EMILIN2: variants seen among roughly 807,000 people sequenced by gnomAD.
EMILIN2 encodes the protein elastin microfibril interfacer 2, also known as EMILIN-2.
A neutral mutation model predicts 87.1 loss-of-function variants in EMILIN2; 71 were observed. The ratio of observed to expected loss-of-function variants is 0.82; its 90% CI spans 0.67 to 0.99. The LOEUF (loss-of-function observed/expected upper bound fraction) is 0.99. Ranked by LOEUF, EMILIN2 falls within the 50% of genes least tolerant of loss-of-function variation. The pLI is 0.00. For missense variants in EMILIN2, 1,407 were observed against 1,371.8 expected, an observed-to-expected ratio of 1.03 and a Z score of -0.40; for synonymous variants, 581 against 563.4, an observed-to-expected ratio of 1.03 and a Z score of -0.44.
In EMILIN2 at chr18:2,914,901, T is replaced by C. The variant is rs568806601; in HGVS notation, c.*1497T>C. On this transcript the variant is annotated 3_prime_UTR_variant, in exon 8 of 8. Transcript: ENST00000254528. ...GAGGGAGAATGGCATCTCACCCCAT[T>C]ACAACAGCTGGGGAACTGGCTAAAG... The C allele has an allele frequency of 6.6e-6, 1 of 152,304 alleles. No individual in the cohort carries two copies. The highest frequency in any genetic ancestry group is 2.1e-4 in the South Asian group (1 of 4,824). 9.4% of individuals were successfully genotyped at this position (152,304 alleles called of 1,614,324 possible).
chr18:2,901,386 C>T (rs1415129838), intron 4 of EMILIN2, among the ~76,000 whole-genome samples: 6 of 152,330 alleles, frequency 3.9e-5, no homozygotes, highest in East Asian at 1.9e-4. Flanking sequence ...GGAAGACACT[C>T]GTTTTTAGCA....
intron 2 of EMILIN2, among the ~76,000 whole-genome samples, chr18:2,879,169 G>C (rs1243162587): frequency 6.6e-6 from 1 of 152,164 alleles, no homozygotes; most frequent in Non-Finnish European, 1.5e-5. Flanking sequence ...GACGTGAACA[G>C]ATGCGCGCCT....
chr18:2,901,471 T>C (rs2076887981), intron 4 of EMILIN2, among the ~76,000 whole-genome samples: 1 of 152,246 alleles, frequency 6.6e-6, no homozygotes, highest in Admixed American at 6.5e-5. Context: ...TGATGTTTGG[T>C]TTTGAAATTG....
At position 2,911,285 on chromosome 18, in the gene EMILIN2, AAG is replaced by A. The variant is rs57703447; in HGVS notation, c.2824+1469_2824+1470del. On this transcript the variant is annotated intron_variant, in intron 7 of 7. Transcript: ENST00000254528. ...CATGCACAGGGGCCTACCAGTGCCT[AAG>A]AGGGGGGCGTGCGCAGTGTTTCCTG... 6.5e-3 allele frequency among the ~76,000 whole-genome samples: 984 copies of A among 152,220 alleles called. 14 individuals are homozygous for A. The highest frequency in any genetic ancestry group is 0.022 in the African/African-American group (919 of 41,532).
Position 2,894,228 on chromosome 18 carries a change from C to T in EMILIN2, c.2359+1742C>T, listed in dbSNP as rs1050372606. ...GGTCAGGGAGAGCCAGGGCCAGGTC[C>T]TGGCAGCTCAGGAGGGTGGAGAGGG... is the stretch of plus-strand genomic sequence containing the variant. On this transcript the variant is annotated intron_variant, in intron 4 of 7. Coordinates refer to ENST00000254528, the MANE Select transcript of EMILIN2 (RefSeq NM_032048.3). This position sits in a 1 kb window ranked among gnomAD's most constrained non-coding sequence, Gnocchi z 5.0. Among the ~76,000 whole-genome samples the T allele has an allele frequency of 1.3e-5, 2 of 152,146 alleles. No individual in the cohort carries two copies. Among genetic ancestry groups the T allele is most frequent in the African/African-American group, 4.8e-5 (2 of 41,430 alleles).
In EMILIN2 at chr18:2,848,120, G is replaced by A. The variant is rs2076585500; in HGVS notation, c.257+189G>A. On this transcript the variant is annotated intron_variant, in intron 2 of 7. Transcript: ENST00000254528. The surrounding 1 kb of genome is among the most constrained non-coding windows in gnomAD (Gnocchi z 4.1). ...ACGCTGGGCTATTTAGGGAGTGGGT[G>A]CTGCCCGAGTGAGTGGGGAGGATGC... 6.6e-6 allele frequency among the ~76,000 whole-genome samples: 1 copy of A among 152,242 alleles called. No individual in the cohort carries two copies. The highest frequency in any genetic ancestry group is 2.4e-5 in the African/African-American group (1 of 41,468).
At position 2,880,125 on chromosome 18, in the gene EMILIN2, GA is replaced by G. The variant is rs2076769555; in HGVS notation, c.258-4837del. Among the ~76,000 whole-genome samples, 1 of 152,196 alleles carries G rather than the reference GA, an allele frequency of 6.6e-6. No homozygotes were observed. Among genetic ancestry groups the G allele is most frequent in the Non-Finnish European group, 1.5e-5 (1 of 68,044 alleles). On this transcript the variant is annotated intron_variant, in intron 2 of 7. Transcript: ENST00000254528. The surrounding 1 kb of genome is among the most constrained non-coding windows in gnomAD (Gnocchi z 4.1). ...ACACGGAGTAAGCAAACACAAGTGT[GA>G]ACTGAGGCGTGTTATGAAGGAGGTC...
chr18:2,913,203 A>T lies in EMILIN2; in HGVS notation c.2961A>T (p.Arg987Ser), dbSNP rs377509819. 6.2e-7 allele frequency: 1 copy of T among 1,613,482 alleles called. No individual in the cohort carries two copies. The highest frequency in any genetic ancestry group is 1.1e-5 in the South Asian group (1 of 91,070). ...VAQLHTAGYRREFLEYHRPPG... is the reference protein window; with the variant it reads ...VAQLHTAGYRSEFLEYHRPPG... ...AGCTGCATACCGCTGGGTACAGGAGAGAGTTCCTGGAATACCACCGCCCTC... is the reference window on the plus strand; with the variant it reads ...AGCTGCATACCGCTGGGTACAGGAGTGAGTTCCTGGAATACCACCGCCCTC... The change falls in exon 8 of 8, where the codon AGA (arginine) becomes AGT (serine). Residue 987 changes from arginine (R) to serine (S), a missense_variant. Coordinates refer to ENST00000254528, the MANE Select transcript of EMILIN2 (RefSeq NM_032048.3).
intron 2 of EMILIN2, among the ~76,000 whole-genome samples, chr18:2,860,347 A>G (rs1280780231): frequency 1.3e-5 from 2 of 152,088 alleles, no homozygotes; most frequent in Admixed American, 6.6e-5. Flanking sequence ...TTAACTTGTC[A>G]TTTAACATTA....
Position 2,906,824 on chromosome 18 carries a change from C to T in EMILIN2, c.2401C>T (p.Pro801Ser). ...PPPPAEAPKE[P>S]LQPEPAPPRP... is the part of the protein sequence containing the mutation. ...GCCGCCCGCAGAGGCCCCGAAGGAGCCGCTGCAGCCCGAGCCCGCCCCGCC... is the reference window on the plus strand; with the variant it reads ...GCCGCCCGCAGAGGCCCCGAAGGAGTCGCTGCAGCCCGAGCCCGCCCCGCC... The change falls in exon 5 of 8, where the codon CCG becomes TCG. Residue 801 changes from proline to serine, a missense_variant. Pro to Ser is a moderately conservative substitution (Grantham distance 74, BLOSUM62 -1). Transcript: ENST00000254528. 2 of 1,322,808 alleles carry T rather than the reference C, an allele frequency of 1.5e-6. No individual in the cohort carries two copies. Among genetic ancestry groups the T allele is most frequent in the South Asian group, 2.1e-5 (1 of 47,582 alleles). 81.9% of individuals were successfully genotyped at this position (1,322,808 alleles called of 1,614,324 possible).
In EMILIN2 at chr18:2,858,561, A is replaced by G. The variant is rs1324031898; in HGVS notation, c.257+10630A>G. On this transcript the variant is annotated intron_variant, in intron 2 of 7. Coordinates refer to ENST00000254528, the MANE Select transcript of EMILIN2 (RefSeq NM_032048.3). ...TATATATATATATATATATATATAT[A>G]TATATATATGTGTGTGTGTGTGTAT... Among the ~76,000 whole-genome samples the G allele has an allele frequency of 8.0e-3, 537 of 67,290 alleles. 38 individuals are homozygous for G. Among genetic ancestry groups the G allele is most frequent in the African/African-American group, 0.061 (493 of 8,030 alleles). The allele number at this position is 67,290 out of a possible 152,430, so 44.1% of individuals were successfully genotyped here. A position where few individuals can be genotyped will look rare whatever the true frequency, so the allele number is the denominator to read the frequency against.
At chr18:2,866,885 T>A (rs190128497) in intron 2 of EMILIN2, among the ~76,000 whole-genome samples, 1 of 152,364 alleles carries the variant, frequency 6.6e-6, no homozygotes, top group East Asian at 1.9e-4. Context: ...ATGCCGATTT[T>A]GCTGAGGATT....
chr18:2,902,626 A>C (rs2076892751), intron 4 of EMILIN2, among the ~76,000 whole-genome samples: 1 of 152,316 alleles, frequency 6.6e-6, no homozygotes, highest in Non-Finnish European at 1.5e-5. Flanking sequence ...GATGGCAGCC[A>C]AAGGAGGCGG....
intron 2 of EMILIN2, among the ~76,000 whole-genome samples, chr18:2,879,503 AC>A (rs1325328668): frequency 6.6e-6 from 1 of 152,002 alleles, no homozygotes; most frequent in African/African-American, 2.4e-5. Context: ...TAAGAAAAAT[AC>A]AAAAAAATTA....
rs778704023 is a variant in EMILIN2, at chr18:2,892,208, G to C, written c.2081G>C (p.Gly694Ala). Residue 694 changes from glycine (G) to alanine (A), a missense_variant, in exon 4 of 8, where the codon GGG becomes GCG. Physicochemically the swap from Gly to Ala is moderately conservative, Grantham distance 60 (BLOSUM62 0). Coordinates refer to ENST00000254528, the MANE Select transcript of EMILIN2 (RefSeq NM_032048.3). ...ELDACKECTQGVQREVSMVEG... is the reference protein window; with the variant it reads ...ELDACKECTQAVQREVSMVEG... ...GATGCTTGTAAGGAATGCACGCAGG[G>C]GGTCCAGAGGGAGGTCTCCATGGTG... The C allele has an allele frequency of 6.2e-7, 1 of 1,608,116 alleles. No individual in the cohort carries two copies. Among genetic ancestry groups the C allele is most frequent in the Non-Finnish European group, 8.5e-7 (1 of 1,175,932 alleles).
At chr18:2,883,256 C>T (rs955112109) in intron 2 of EMILIN2, among the ~76,000 whole-genome samples, 5 of 65,552 alleles carry the variant, frequency 7.6e-5, no homozygotes, top group Non-Finnish European at 1.8e-4. Flanking sequence ...ATGATTTGTG[C>T]TTTCCTCAGG....
chr18:2,898,528 A>G (rs1294718066), intron 4 of EMILIN2, among the ~76,000 whole-genome samples: 1 of 152,216 alleles, frequency 6.6e-6, no homozygotes, highest in Non-Finnish European at 1.5e-5. Flanking sequence ...TCCAGATGTC[A>G]CGCTTCCAAG....
At position 2,891,660 on chromosome 18, in the gene EMILIN2, C is replaced by T. The variant is rs2076837395; in HGVS notation, c.1533C>T (p.Asn511=). 1 of 1,614,022 alleles carries T rather than the reference C, an allele frequency of 6.2e-7. No homozygotes were observed. Among genetic ancestry groups the T allele is most frequent in the Non-Finnish European group, 8.5e-7 (1 of 1,180,050 alleles). The change falls in exon 4 of 8, where the codon AAC becomes AAT. Residue 511 remains asparagine, a synonymous_variant. Transcript: ENST00000254528. This position sits in a 1 kb window ranked among gnomAD's most constrained non-coding sequence, Gnocchi z 4.6. The part of the protein sequence containing the change: ...LGSVLLQMTN[N]TGAELSPPGA... ...GCGTTCTCCTACAGATGACCAATAA[C>T]ACTGGTGCAGAGCTCAGTCCCCCAG...
intron 2 of EMILIN2, among the ~76,000 whole-genome samples, chr18:2,856,586 C>T (rs1274802378): frequency 6.6e-6 from 1 of 152,086 alleles, no homozygotes; most frequent in Non-Finnish European, 1.5e-5. Flanking sequence ...AAGTAGGTGC[C>T]GCATCCAACA....
Sources: gnomAD v4.1 joint callset for allele counts (sites outside exome capture counted in the v4.1 genomes callset) on GRCh38, gnomAD v4.1.1 for gene constraint, Gnocchi (gnomAD v3.1) non-coding constraint, MANE v1.5 for transcripts, NCBI Gene and HGNC (gene_info 2026-07-23, HGNC 2026-07-21) for gene names.